SUGCT: variants seen among roughly 807,000 people sequenced by gnomAD.
SUGCT encodes succinyl-CoA:glutarate-CoA transferase.
In SUGCT, 41 loss-of-function variants were observed where a neutral mutation model predicts 55.0. That is an observed-to-expected ratio of 0.74 (90% CI 0.58 to 0.97). The LOEUF is 0.97. Ranked by LOEUF, SUGCT falls within the 50% of genes least tolerant of loss-of-function variation. SUGCT has a pLI of 0.00. For synonymous variants in SUGCT, 187 were observed against 200.4 expected, an observed-to-expected ratio of 0.93 and a Z score of 0.56; for missense variants, 568 against 547.8, an observed-to-expected ratio of 1.04 and a Z score of -0.37.
chr7:40,511,670 A>C lies in SUGCT; in HGVS notation c.1089+15284A>C, dbSNP rs952254081. On this transcript the variant is annotated intron_variant, in intron 12 of 13. Coordinates refer to ENST00000335693, the MANE Select transcript of SUGCT (RefSeq NM_001193313.2). ...AAAAAGCAAAAATAACACAAAACAA[A>C]TTTCATTTCAAATATCTCACATTAC... 3.3e-5 allele frequency among the ~76,000 whole-genome samples: 5 copies of C among 152,192 alleles called. 1 individual carries two copies. The highest frequency in any genetic ancestry group is 1.2e-4 in the African/African-American group (5 of 41,452).
Position 40,733,294 on chromosome 7 carries a change from A to G in SUGCT, c.1090-16140A>G, listed in dbSNP as rs147252321. ...CCTGATAACATCTCTTGGCATATCC[A>G]AAGGGTCACTTGCCCACAAAGTTAT... On this transcript the variant is annotated intron_variant, in intron 12 of 13. Transcript: ENST00000335693. Among the ~76,000 whole-genome samples, 24 of 152,300 alleles carry G rather than the reference A, an allele frequency of 1.6e-4. No homozygotes were observed. In the East Asian group the frequency reaches 2.7e-3, roughly 17 times the overall value.
rs1251909851 is a variant in SUGCT at position 40,377,127 on chromosome 7, CCTCTTTCTTTCTTT to C, written c.816+60275_816+60288del. Among the ~76,000 whole-genome samples the C allele has an allele frequency of 9.5e-3, 56 of 5,896 alleles. 22 individuals carry two copies. Among genetic ancestry groups the C allele is most frequent in the African/African-American group, 0.016 (54 of 3,416 alleles). 3.9% of individuals were successfully genotyped at this position (5,896 alleles called of 152,430 possible). ...ACTTGGAAAGGAAATTTTCAGCCTT[CCTCTTTCTTTCTTT>C]CTTTCTTTCTTTCTTTCTTTCTTTC... On this transcript the variant is annotated intron_variant, in intron 9 of 13. Transcript: ENST00000335693.
At chr7:41,000,214 A>G in the SUGCT span, among the ~76,000 whole-genome samples, 2 of 152,186 alleles carry the variant, frequency 1.3e-5, no homozygotes, top group African/African-American at 4.8e-5. Context: ...ACATACACAC[A>G]CACGCATGGA....
chr7:40,359,042 A>T (rs184038381), intron 9 of SUGCT, among the ~76,000 whole-genome samples: 5 of 152,322 alleles, frequency 3.3e-5, no homozygotes, highest in Admixed American at 3.3e-4. Flanking sequence ...GAATTTGGCA[A>T]GTTTTTAGTC....
At chr7:40,760,453 C>A (rs1203736) in intron 13 of SUGCT, among the ~76,000 whole-genome samples, 12,362 of 151,768 alleles carry the variant, frequency 0.081, 1,682 homozygotes, top group African/African-American at 0.28. Flanking sequence ...GGGGTATGGC[C>A]AGTTAGTGTT....
chr7:40,241,584 A>T (rs1410974542), intron 7 of SUGCT, among the ~76,000 whole-genome samples: 1 of 151,782 alleles, frequency 6.6e-6, no homozygotes, highest in African/African-American at 2.4e-5. Context: ...GTCTCAAAAA[A>T]AAAAAAAAAA....
At chr7:41,035,533 G>A in the SUGCT span, among the ~76,000 whole-genome samples, 1 of 152,086 alleles carries the variant, frequency 6.6e-6, no homozygotes, top group Non-Finnish European at 1.5e-5. Flanking sequence ...TTTACCCTCT[G>A]GCCTGAGGTG....
chr7:40,473,904 A>G (rs1241638127), intron 11 of SUGCT, among the ~76,000 whole-genome samples: 1 of 152,092 alleles, frequency 6.6e-6, no homozygotes, highest in African/African-American at 2.4e-5. Flanking sequence ...TACTTGAGTT[A>G]TAGTGATTAA....
chr7:40,501,108 T>C (rs1480027141), intron 12 of SUGCT, among the ~76,000 whole-genome samples: 1 of 152,180 alleles, frequency 6.6e-6, no homozygotes, highest in South Asian at 2.1e-4. Context: ...AAAGATCTGA[T>C]GTAAAATAGT....
intron 1 of SUGCT, among the ~76,000 whole-genome samples, chr7:40,169,679 C>A (rs191591833): frequency 2.0e-5 from 3 of 152,208 alleles, no homozygotes; most frequent in Admixed American, 2.0e-4. Flanking sequence ...ATTTGCCCAG[C>A]CTTTCGCTTT....
At chr7:40,878,583 T>C in the SUGCT span, among the ~76,000 whole-genome samples, 1 of 152,172 alleles carries the variant, frequency 6.6e-6, no homozygotes, top group African/African-American at 2.4e-5. Flanking sequence ...AGGTTTTGCC[T>C]TGTTTAAAGG....
intron 9 of SUGCT, among the ~76,000 whole-genome samples, chr7:40,355,135 C>G (rs1370356398): frequency 6.6e-6 from 1 of 152,154 alleles, no homozygotes; most frequent in East Asian, 1.9e-4. Context: ...TTCTGCCAAC[C>G]TCCTCTTCGT....
chr7:40,860,549 C>G lies in SUGCT; in HGVS notation c.*70C>G. The stretch of plus-strand genomic sequence containing the variant: ...GGCAAAGGCAACACTTTGCTTGGAC[C>G]CTTCTCCCCAGTTCTGATACCACTA... On this transcript the variant is annotated 3_prime_UTR_variant, in exon 14 of 14. Coordinates refer to ENST00000335693, the MANE Select transcript of SUGCT (RefSeq NM_001193313.2). The G allele has an allele frequency of 6.6e-7, 1 of 1,507,090 alleles. No homozygotes were observed. Among genetic ancestry groups the G allele is most frequent in the Non-Finnish European group, 8.9e-7 (1 of 1,117,918 alleles). 93.4% of individuals were successfully genotyped at this position (1,507,090 alleles called of 1,614,324 possible).
At chr7:40,324,232 T>TATAA (rs201014309) in intron 9 of SUGCT, among the ~76,000 whole-genome samples, 2,294 of 122,190 alleles carry the variant, frequency 0.019, 62 homozygotes, top group Non-Finnish European at 0.028. Context: ...TGATCATATA[T>TATAA]ATAAATAAAT....
At chr7:41,017,817 C>T in the SUGCT span, among the ~76,000 whole-genome samples, 33 of 151,030 alleles carry the variant, frequency 2.2e-4, no homozygotes, top group Non-Finnish European at 4.6e-4. Context: ...CAGTGAGAGG[C>T]CTGTAAGAAT....
intron 8 of SUGCT, among the ~76,000 whole-genome samples, chr7:40,287,719 A>G (rs2151036961): frequency 6.6e-6 from 1 of 152,104 alleles, no homozygotes; most frequent in Admixed American, 6.6e-5. Context: ...TGCTGGTCTC[A>G]AACTCCTGAG....
intron 12 of SUGCT, among the ~76,000 whole-genome samples, chr7:40,537,555 CAA>C (rs1380149077): frequency 1.3e-5 from 2 of 152,068 alleles, no homozygotes; most frequent in Non-Finnish European, 2.9e-5. Context: ...CAGATGTAGG[CAA>C]AGTCACATGT....
At chr7:41,022,411 G>A in the SUGCT span, among the ~76,000 whole-genome samples, 1 of 152,094 alleles carries the variant, frequency 6.6e-6, no homozygotes, top group African/African-American at 2.4e-5. Flanking sequence ...ACAATGAATG[G>A]GAGTTTCTTC....
At chr7:40,208,622 GC>G (rs1787143959) in intron 6 of SUGCT, among the ~76,000 whole-genome samples, 1 of 151,472 alleles carries the variant, frequency 6.6e-6, no homozygotes, top group Admixed American at 6.6e-5. Context: ...TCGGCTCACT[GC>G]AACCTCCGCC....
Sources: allele counts gnomAD v4.1 joint callset (sites outside exome capture counted in the v4.1 genomes callset), GRCh38; gene constraint gnomAD v4.1.1; transcripts MANE v1.5; gene names NCBI Gene and HGNC (gene_info 2026-07-23, HGNC 2026-07-21).